The following UNC13C variants were observed in gnomAD, a reference collection of about 807,000 sequenced individuals.
UNC13C encodes unc-13 homolog C.
Under a neutral mutation model 245.4 loss-of-function variants are expected in UNC13C, and 174 were observed. The ratio of observed to expected loss-of-function variants is 0.71; its 90% CI spans 0.63 to 0.80. The LOEUF (loss-of-function observed/expected upper bound fraction) is 0.80. Ranked by LOEUF, UNC13C falls within the 30% of genes least tolerant of loss-of-function variation. The probability of loss-of-function intolerance (pLI) is 0.00; values close to 1 mark genes in which losing one functional copy is unlikely to be tolerated. For missense variants in UNC13C, 2,829 were observed against 2,602.9 expected (o/e 1.09, Z -1.89); for synonymous variants, 992 against 895.1 (o/e 1.11, Z -1.93).
chr15:54,200,259 A>C (rs370240055), intron 4 of UNC13C, among the ~76,000 whole-genome samples: 2 of 152,238 alleles, frequency 1.3e-5, no homozygotes, highest in South Asian at 2.1e-4. Flanking sequence ...CACTGACAGC[A>C]TTAGATGAGT....
At chr15:54,147,062 G>T (rs2032290973) in intron 4 of UNC13C, among the ~76,000 whole-genome samples, 1 of 152,148 alleles carries the variant, frequency 6.6e-6, no homozygotes, top group African/African-American at 2.4e-5. Context: ...CTTGGGGAGG[G>T]TGTAGCCTTG....
chr15:54,080,555 A>G (rs1264898780), intron 2 of UNC13C, among the ~76,000 whole-genome samples: 1 of 151,902 alleles, frequency 6.6e-6, no homozygotes. Flanking sequence ...TTGGGAAGTC[A>G]TATGTTTCCA....
At chr15:54,204,946 A>G (rs925225756) in intron 4 of UNC13C, among the ~76,000 whole-genome samples, 3 of 152,014 alleles carry the variant, frequency 2.0e-5, no homozygotes, top group Non-Finnish European at 2.9e-5. Context: ...AACAGTTTCA[A>G]TGTCATGTTA....
At chr15:54,186,175 G>T (rs112371972) in intron 4 of UNC13C, among the ~76,000 whole-genome samples, 1 of 151,280 alleles carries the variant, frequency 6.6e-6, no homozygotes, top group South Asian at 2.1e-4. Flanking sequence ...TTTGGGCTGA[G>T]ACAATGGGGT....
At chr15:54,598,228 G>T (rs1899208920) in intron 30 of UNC13C, among the ~76,000 whole-genome samples, 1 of 152,122 alleles carries the variant, frequency 6.6e-6, no homozygotes, top group South Asian at 2.1e-4. Flanking sequence ...GAGTAGCTGG[G>T]ATTACAGGTG....
chr15:54,258,272 A>G (rs1246312333), intron 8 of UNC13C, among the ~76,000 whole-genome samples: 1 of 152,168 alleles, frequency 6.6e-6, no homozygotes, highest in Non-Finnish European at 1.5e-5. Context: ...CATCCAGCAT[A>G]CTGCAGACAC....
intron 17 of UNC13C, 30 bp from the exon 18 acceptor site, chr15:54,393,017 TC>T (rs1404619850): frequency 4.6e-6 from 7 of 1,535,240 alleles, no homozygotes; most frequent in Non-Finnish European, 6.1e-6. Context: ...TTTAACCTTT[TC>T]TTTTGCATGT....
intron 28 of UNC13C, among the ~76,000 whole-genome samples, chr15:54,554,019 A>G (rs1172804930): frequency 6.6e-6 from 1 of 152,004 alleles, no homozygotes; most frequent in Non-Finnish European, 1.5e-5. Flanking sequence ...CGTATCAGAG[A>G]AAGATTCAGT....
At chr15:54,377,733 C>G (rs553515846) in intron 17 of UNC13C, among the ~76,000 whole-genome samples, 2 of 152,262 alleles carry the variant, frequency 1.3e-5, no homozygotes, top group South Asian at 4.1e-4. Context: ...AAGGAGTGAA[C>G]CAGCTCCCTC....
chr15:54,554,227 C>T (rs990528660), intron 28 of UNC13C, among the ~76,000 whole-genome samples: 10 of 151,774 alleles, frequency 6.6e-5, no homozygotes, highest in Non-Finnish European at 1.0e-4. Flanking sequence ...AAGGAGTGAG[C>T]GAGACATAGA....
chr15:54,475,760 A>G (rs1478901968), intron 19 of UNC13C, among the ~76,000 whole-genome samples: 3 of 122,558 alleles, frequency 2.4e-5, no homozygotes, highest in Non-Finnish European at 3.6e-5. Flanking sequence ...TAGTGCTGCA[A>G]TAAACATACG....
intron 9 of UNC13C, 102 bp from the exon 10 acceptor site, chr15:54,265,253 A>G: frequency 2.0e-6 from 2 of 996,204 alleles, no homozygotes; most frequent in East Asian, 3.0e-5. Flanking sequence ...GGATGCATCT[A>G]TAAGCCCAAA....
At chr15:54,586,847 G>T (rs1898518050) in intron 30 of UNC13C, among the ~76,000 whole-genome samples, 1 of 152,176 alleles carries the variant, frequency 6.6e-6, no homozygotes, top group African/African-American at 2.4e-5. Context: ...GTAAATCGTT[G>T]CATTCCTGAT....
At chr15:54,511,731 G>C in intron 23 of UNC13C, 22 bp from the exon 24 acceptor site, 4 of 1,536,842 alleles carry the variant, frequency 2.6e-6, no homozygotes, top group Non-Finnish European at 3.5e-6. Context: ...GCTCATAATA[G>C]TCTTTTTTTC....
chr15:54,180,165 C>T (rs74737798), intron 4 of UNC13C, among the ~76,000 whole-genome samples: 25,603 of 151,864 alleles, frequency 0.17, 2,628 homozygotes, highest in East Asian at 0.24. Flanking sequence ...TTCTCTTCTC[C>T]GCTCTGATAG....
At chr15:54,585,650 C>T (rs184032738) in intron 30 of UNC13C, among the ~76,000 whole-genome samples, 12 of 152,156 alleles carry the variant, frequency 7.9e-5, no homozygotes. Context: ...TCCTCCTAAC[C>T]CGGAAAACTT....
chr15:54,497,429 G>A (rs1894006389), intron 20 of UNC13C, among the ~76,000 whole-genome samples: 1 of 152,104 alleles, frequency 6.6e-6, no homozygotes, highest in Non-Finnish European at 1.5e-5. Context: ...ATGGGGCTAT[G>A]AAGGCTGCTT....
chr15:54,461,619 G>A (rs1891850733), intron 19 of UNC13C, among the ~76,000 whole-genome samples: 1 of 152,108 alleles, frequency 6.6e-6, no homozygotes. Flanking sequence ...AGTAGACAGA[G>A]AAAAATTGAT....
At chr15:54,632,492 C>G (rs756298872), downstream of UNC13C, 1 of 152,024 alleles carries the variant, frequency 6.6e-6, no homozygotes, top group African/African-American at 2.4e-5. Flanking sequence ...GCCTATGAAC[C>G]GTTTTGAGGT....
Sources: gnomAD v4.1 joint callset for allele counts (sites outside exome capture counted in the v4.1 genomes callset) on GRCh38, gnomAD v4.1.1 for gene constraint, MANE v1.5 for transcripts, NCBI Gene and HGNC (gene_info 2026-07-23, HGNC 2026-07-21) for gene names.